SLC5A8: variants seen among roughly 807,000 people sequenced by gnomAD.
SLC5A8 encodes solute carrier family 5 member 8, also known as sodium-coupled monocarboxylate transporter 1.
SLC5A8 carries 55 observed loss-of-function variants against 71.9 expected under a neutral mutation model. The ratio of observed to expected loss-of-function variants is 0.77; its 90% CI spans 0.62 to 0.96. The LOEUF is 0.96. Among genes scored for constraint, SLC5A8 ranks in the 40% least tolerant of loss-of-function variants. The pLI is 0.00. For synonymous variants in SLC5A8, 307 were observed against 276.1 expected, an observed-to-expected ratio of 1.11 and a Z score of -1.11; for missense variants, 701 against 745.3, an observed-to-expected ratio of 0.94 and a Z score of 0.69.
In SLC5A8 at chr12:101,156,154, A is replaced by C. The variant is rs2051658766; in HGVS notation, c.*1125T>G. The C allele has an allele frequency of 3.3e-5, 5 of 152,270 alleles. No homozygotes were observed. The South Asian group carries it at 1.0e-3, about 32-fold the overall frequency. 9.4% of individuals were successfully genotyped at this position (152,270 alleles called of 1,614,324 possible). ...TTTTGAGTCCAGACGTTTTAAAAAA[A>C]GTAGTGTTTGCTTATATAATTTAGC... On this transcript the variant is annotated 3_prime_UTR_variant, in exon 15 of 15. Coordinates refer to ENST00000536262, the MANE Select transcript of SLC5A8 (RefSeq NM_145913.5).
At position 101,168,185 on chromosome 12, in the gene SLC5A8, A is replaced by G. The variant is rs746199081; in HGVS notation, c.1234-3T>C. 3.4e-5 allele frequency: 54 copies of G among 1,594,106 alleles called. 1 individual carries two copies. In the Admixed American group the frequency reaches 7.6e-4, roughly 23 times the overall value. On this transcript the variant is annotated splice_region_variant and splice_polypyrimidine_tract_variant and intron_variant, in intron 10 of 14. Transcript: ENST00000536262. ...ATACCAAATACGCTGAGTGCTGCCTACAAAAATAATACAACGTCAGCAATT... is the reference window on the plus strand; with the variant it reads ...ATACCAAATACGCTGAGTGCTGCCTGCAAAAATAATACAACGTCAGCAATT...
intron 9 of SLC5A8, 133 bp downstream of exon 9, chr12:101,182,670 C>A: frequency 1.7e-6 from 1 of 601,292 alleles, no homozygotes; most frequent in South Asian, 2.1e-5. Flanking sequence ...TCTGCATTGT[C>A]ATAGGCATAC....
At chr12:101,182,951 T>C in intron 8 of SLC5A8, 36 bp from the exon 9 acceptor site, 5 of 1,234,432 alleles carry the variant, frequency 4.1e-6, no homozygotes, top group Non-Finnish European at 5.5e-6. Flanking sequence ...TTTATAATAT[T>C]TTACCTTTAA....
At chr12:101,204,388 T>A (rs1869588839) in intron 2 of SLC5A8, 112 bp downstream of exon 2, 1 of 913,652 alleles carries the variant, frequency 1.1e-6, no homozygotes, top group Non-Finnish European at 1.7e-6. Context: ...TCCCTCATTT[T>A]TTCAACATCT....
At chr12:101,208,219 A>C (rs1869756031) in intron 1 of SLC5A8, among the ~76,000 whole-genome samples, 1 of 152,176 alleles carries the variant, frequency 6.6e-6, no homozygotes, top group African/African-American at 2.4e-5. Flanking sequence ...GAGCTCTCCC[A>C]AACACAGCCC....
intron 12 of SLC5A8, among the ~76,000 whole-genome samples, chr12:101,164,519 C>T: frequency 6.6e-6 from 1 of 152,186 alleles, no homozygotes; most frequent in East Asian, 1.9e-4. Flanking sequence ...AGCTGGGTGG[C>T]TCACAACCCT....
rs562346568 is a variant in SLC5A8, at chr12:101,158,116, G to A, written c.1710+133C>T. 3 of 680,546 alleles carry A rather than the reference G, an allele frequency of 4.4e-6. No homozygotes were observed. In the South Asian group the frequency reaches 5.0e-5, roughly 11 times the overall value. The allele number at this position is 680,546 out of a possible 1,614,324, so 42.2% of individuals were successfully genotyped here. A position where few individuals can be genotyped will look rare whatever the true frequency, so the allele number is the denominator to read the frequency against. ...GATAGAGAGCTATCCAACATATATAGATCATCAGATTATATAGGGTCTATA... is the reference window on the plus strand; with the variant it reads ...GATAGAGAGCTATCCAACATATATAAATCATCAGATTATATAGGGTCTATA... On this transcript the variant is annotated intron_variant, in intron 14 of 14. Coordinates refer to ENST00000536262, the MANE Select transcript of SLC5A8 (RefSeq NM_145913.5).
chr12:101,185,753 A>G (rs966393266), intron 7 of SLC5A8, among the ~76,000 whole-genome samples: 3 of 151,880 alleles, frequency 2.0e-5, no homozygotes, highest in African/African-American at 7.3e-5. Context: ...TAATTTTTGT[A>G]TTTTTAATAG....
chr12:101,203,400 T>C (rs1056068141), intron 2 of SLC5A8, among the ~76,000 whole-genome samples: 4 of 151,942 alleles, frequency 2.6e-5, no homozygotes, highest in Non-Finnish European at 5.9e-5. Context: ...CAGGCTGGGG[T>C]GCAATGGCAT....
At chr12:101,207,505 T>A (rs147958778) in intron 1 of SLC5A8, among the ~76,000 whole-genome samples, 329 of 152,340 alleles carry the variant, frequency 2.2e-3, no homozygotes, top group African/African-American at 7.6e-3. Flanking sequence ...CTGGAACCCC[T>A]GCTAACTTAG....
chr12:101,161,303 A>C (rs1464712180), intron 13 of SLC5A8, among the ~76,000 whole-genome samples: 5 of 152,280 alleles, frequency 3.3e-5, no homozygotes, highest in Non-Finnish European at 2.9e-5. Flanking sequence ...ATGAGAAGTA[A>C]TGAATATAGG....
chr12:101,187,570 T>G, intron 6 of SLC5A8, 55 bp from the exon 7 acceptor site: 1 of 1,555,714 alleles, frequency 6.4e-7, no homozygotes, highest in Non-Finnish European at 8.7e-7. Context: ...GTCCCAAAGA[T>G]TAGGAAACCT....
chr12:101,198,289 A>AG (rs1869280292), intron 3 of SLC5A8, among the ~76,000 whole-genome samples: 4 of 151,972 alleles, frequency 2.6e-5, no homozygotes, highest in African/African-American at 7.2e-5. Flanking sequence ...TTAGAAGAAA[A>AG]GAAACAATAA....
chr12:101,158,598 C>CTCTCTCTCTCTATATATA (rs1411795424), intron 13 of SLC5A8, among the ~76,000 whole-genome samples: 6 of 21,240 alleles, frequency 2.8e-4, no homozygotes, highest in Non-Finnish European at 3.5e-4. Context: ...CTCTCTCTCT[C>CTCTCTCTCTCTATATATA]TATATATATA....
intron 6 of SLC5A8, 41 bp downstream of exon 6, chr12:101,190,427 G>A: frequency 6.3e-7 from 1 of 1,584,728 alleles, no homozygotes; most frequent in Non-Finnish European, 8.6e-7. Context: ...AAAGACAACT[G>A]ATGGTTATTA....
chr12:101,177,746 G>T (rs912387716), intron 10 of SLC5A8, among the ~76,000 whole-genome samples: 3 of 152,002 alleles, frequency 2.0e-5, no homozygotes, highest in African/African-American at 4.8e-5. Flanking sequence ...AAATTCAACT[G>T]CCATTTATGG....
At chr12:101,195,310 C>A in intron 3 of SLC5A8, 148 bp from the exon 4 acceptor site, 1 of 742,172 alleles carries the variant, frequency 1.3e-6, no homozygotes, top group East Asian at 2.7e-5. Context: ...CTCCAAATCT[C>A]ATAAATGTCT....
intron 6 of SLC5A8, among the ~76,000 whole-genome samples, chr12:101,189,335 A>G (rs1469203387): frequency 6.6e-6 from 1 of 152,178 alleles, no homozygotes; most frequent in South Asian, 2.1e-4. Context: ...CCATATTCAT[A>G]TAGATTTTTC....
chr12:101,200,009 C>CAAAAAAAAAA (rs1182463470), intron 3 of SLC5A8, among the ~76,000 whole-genome samples: 4 of 9,640 alleles, frequency 4.1e-4, no homozygotes, highest in Non-Finnish European at 6.0e-4. Context: ...GTACTACCAG[C>CAAAAAAAAAA]AAAAAAAAAA....
Sources: allele counts gnomAD v4.1 joint callset (sites outside exome capture counted in the v4.1 genomes callset), GRCh38; gene constraint gnomAD v4.1.1; transcripts MANE v1.5; gene names NCBI Gene and HGNC (gene_info 2026-07-23, HGNC 2026-07-21).